The following DPH6 variants were observed in gnomAD, a reference collection of about 807,000 sequenced individuals.
The protein encoded by DPH6 is diphthamine biosynthesis 6.
Under a neutral mutation model 38.2 loss-of-function variants are expected in DPH6, and 33 were observed. The observed-to-expected ratio is 0.86, with a 90% CI of 0.65 to 1.15. DPH6 has a LOEUF of 1.15. Among genes scored for constraint, DPH6 ranks in the 50% most tolerant of loss-of-function variants. The probability of loss-of-function intolerance (pLI) is 0.00; values close to 1 mark genes in which losing one functional copy is unlikely to be tolerated. For synonymous variants in DPH6, 108 were observed against 103.0 expected (o/e 1.05, Z -0.30); for missense variants, 325 against 320.0 (o/e 1.02, Z -0.12).
At chr15:35,167,608 T>C in the DPH6 span, among the ~76,000 whole-genome samples, 2 of 149,320 alleles carry the variant, frequency 1.3e-5, no homozygotes, top group Non-Finnish European at 3.0e-5. Context: ...TTGAAATACC[T>C]GACCACCTGC....
chr15:35,489,157 G>T, intron 3 of DPH6: 1 of 242,098 alleles, frequency 4.1e-6, no homozygotes, highest in Non-Finnish European at 6.6e-6. Flanking sequence ...ATTTGAAATT[G>T]GAACTAAAGG....
chr15:35,303,852 A>G (rs1045736572), intron 3 of DPH6, among the ~76,000 whole-genome samples: 1 of 151,530 alleles, frequency 6.6e-6, no homozygotes, highest in African/African-American at 2.4e-5. Flanking sequence ...GTAGGATTGC[A>G]AAAGCTAATC....
At chr15:35,296,930 G>A (rs1231710033) in intron 3 of DPH6, among the ~76,000 whole-genome samples, 11 of 126,136 alleles carry the variant, frequency 8.7e-5, no homozygotes, top group African/African-American at 4.8e-4. Flanking sequence ...TCAGCCTCCC[G>A]AGTAGCTGGG....
At chr15:35,389,747 G>C (rs1437853232) in intron 6 of DPH6, among the ~76,000 whole-genome samples, 1 of 152,130 alleles carries the variant, frequency 6.6e-6, no homozygotes, top group Non-Finnish European at 1.5e-5. Context: ...CTGCACGTGA[G>C]ATTGGTTTCC....
chr15:35,264,750 T>C (rs138695920), intron 3 of DPH6, among the ~76,000 whole-genome samples: 9 of 152,326 alleles, frequency 5.9e-5, no homozygotes, highest in African/African-American at 2.2e-4. Flanking sequence ...AACAAACATT[T>C]ACTGAGCTAG....
At chr15:35,383,407 G>A (rs749911483) in intron 6 of DPH6, among the ~76,000 whole-genome samples, 5 of 152,008 alleles carry the variant, frequency 3.3e-5, no homozygotes, top group East Asian at 1.9e-4. Context: ...TCAGTTCTTC[G>A]ACAAACACTT....
intron 6 of DPH6, among the ~76,000 whole-genome samples, chr15:35,388,540 A>C (rs1426459220): frequency 5.3e-5 from 8 of 152,128 alleles, no homozygotes; most frequent in Non-Finnish European, 8.8e-5. Context: ...GTCTATTCAG[A>C]GATTCAAGTT....
intron 3 of DPH6, among the ~76,000 whole-genome samples, chr15:35,269,902 TG>T (rs2051811388): frequency 6.7e-6 from 1 of 150,052 alleles, no homozygotes; most frequent in South Asian, 2.1e-4. Flanking sequence ...GCCATTCTCC[TG>T]CCTCAGCCTC....
At chr15:35,180,392 AACACAC>A in the DPH6 span, among the ~76,000 whole-genome samples, 57,174 of 139,848 alleles carry the variant, frequency 0.41, 12,036 homozygotes, top group Non-Finnish European at 0.5. Flanking sequence ...TTGGTTTTAA[AACACAC>A]ACACACACAC....
At chr15:35,496,379 A>G (rs1031220538) in intron 3 of DPH6, among the ~76,000 whole-genome samples, 10 of 150,940 alleles carry the variant, frequency 6.6e-5, no homozygotes, top group African/African-American at 2.2e-4. Context: ...ACATGGTGGA[A>G]CCTGTTTCTA....
At chr15:35,335,603 C>T (rs1020653475) in intron 3 of DPH6, among the ~76,000 whole-genome samples, 1 of 152,090 alleles carries the variant, frequency 6.6e-6, no homozygotes, top group Admixed American at 6.6e-5. Context: ...TTTCAATTTT[C>T]TGCATATGGC....
At chr15:35,257,772 T>TTGTG (rs60955022) in intron 3 of DPH6, among the ~76,000 whole-genome samples, 31,652 of 148,642 alleles carry the variant, frequency 0.21, 3,578 homozygotes, top group East Asian at 0.32. Flanking sequence ...GGTCTCAGCT[T>TTGTG]TGTGTGTGTG....
the DPH6 span, among the ~76,000 whole-genome samples, chr15:35,208,062 T>G: frequency 6.6e-6 from 1 of 152,048 alleles, no homozygotes; most frequent in African/African-American, 2.4e-5. Context: ...TAAATTGGGA[T>G]CCACATCTGT....
In DPH6 at chr15:35,401,204, A is replaced by T. The variant is rs1016619796; in HGVS notation, c.567+9631T>A. The T allele has an allele frequency of 2.5e-6, 3 of 1,216,816 alleles. No homozygotes were observed. In the African/African-American group the frequency reaches 4.4e-5, roughly 18 times the overall value. The allele number at this position is 1,216,816 out of a possible 1,614,324, so 75.4% of individuals were successfully genotyped here. A position where few individuals can be genotyped will look rare whatever the true frequency, so the allele number is the denominator to read the frequency against. ...GTTAGGAAAGCCCTGTCAAACCAAG[A>T]GATGGCTAGTGCTTCATCCAGCCAA... is the stretch of plus-strand genomic sequence containing the variant. On this transcript the variant is annotated intron_variant, in intron 6 of 8. Coordinates refer to ENST00000256538, the MANE Select transcript of DPH6 (RefSeq NM_080650.4).
chr15:35,423,983 G>A (rs1410560242), intron 5 of DPH6, among the ~76,000 whole-genome samples: 1 of 151,496 alleles, frequency 6.6e-6, no homozygotes, highest in East Asian at 1.9e-4. Context: ...TTTATAATAT[G>A]TTTAGAAATC....
chr15:35,291,415 A>T (rs977474055), intron 3 of DPH6, among the ~76,000 whole-genome samples: 2 of 152,132 alleles, frequency 1.3e-5, no homozygotes, highest in South Asian at 4.2e-4. Context: ...GCTGACAAAA[A>T]ATAAGCATCA....
At chr15:35,341,739 C>G (rs2052423100) in intron 3 of DPH6, among the ~76,000 whole-genome samples, 1 of 152,208 alleles carries the variant, frequency 6.6e-6, no homozygotes. Context: ...GCTCCTTCCT[C>G]TGAAAGCTCT....
chr15:35,262,787 T>G (rs995837224), intron 3 of DPH6, among the ~76,000 whole-genome samples: 1 of 151,884 alleles, frequency 6.6e-6, no homozygotes, highest in Non-Finnish European at 1.5e-5. Context: ...GTTCCCAATT[T>G]TATGAACATC....
At chr15:35,382,231 C>G (rs994162321) in intron 6 of DPH6, among the ~76,000 whole-genome samples, 2 of 151,610 alleles carry the variant, frequency 1.3e-5, no homozygotes, top group African/African-American at 2.4e-5. Context: ...GTCAGGAGAT[C>G]GAGACCATCC....
Sources: gnomAD v4.1 joint callset for allele counts (sites outside exome capture counted in the v4.1 genomes callset) on GRCh38, gnomAD v4.1.1 for gene constraint, MANE v1.5 for transcripts, NCBI Gene and HGNC (gene_info 2026-07-23, HGNC 2026-07-21) for gene names.